Variants in ASIC1 observed in about 807,000 individuals in gnomAD.
ASIC1 encodes the protein acid sensing ion channel subunit 1.
In ASIC1, 21 loss-of-function variants were observed where a neutral mutation model predicts 63.4. The observed-to-expected ratio is 0.33, with a 90% CI of 0.23 to 0.48. ASIC1 has a LOEUF of 0.48. Ranked by LOEUF, ASIC1 falls within the 20% of genes least tolerant of loss-of-function variation. The pLI is 0.99. For synonymous variants in ASIC1, 258 were observed against 278.2 expected (o/e 0.93, Z 0.72); for missense variants, 478 against 695.5 (o/e 0.69, Z 3.52).
At chr12:50,061,638 TG>T (rs1950502042) in intron 3 of ASIC1, among the ~76,000 whole-genome samples, 1 of 152,112 alleles carries the variant, frequency 6.6e-6, no homozygotes, top group African/African-American at 2.4e-5. Flanking sequence ...TTGAGTGGTT[TG>T]TAGTGTTGGA....
rs576382655 is a variant in ASIC1 at position 50,061,697 on chromosome 12, A to C, written c.558+1743A>C. 5.9e-5 allele frequency among the ~76,000 whole-genome samples: 9 copies of C among 152,298 alleles called. 1 individual carries two copies. In the South Asian group the frequency reaches 1.9e-3, roughly 32 times the overall value. ...CAATCTGAGGAGGTGCTAAGATATA[A>C]ATTTGGGCACAGTTAGTCCATAGAA... On this transcript the variant is annotated intron_variant, in intron 3 of 11. Transcript: ENST00000447966.
intron 3 of ASIC1, among the ~76,000 whole-genome samples, chr12:50,076,466 C>CAAA (rs11461680): frequency 8.3e-5 from 12 of 145,210 alleles, no homozygotes; most frequent in East Asian, 8.0e-4. Context: ...GACTCCATCC[C>CAAA]AAAAAAAAAA....
At chr12:50,079,775 G>A (rs1592279852) in intron 7 of ASIC1, 127 bp from the exon 8 acceptor site, 1 of 1,183,268 alleles carries the variant, frequency 8.5e-7, no homozygotes, top group East Asian at 2.4e-5. Flanking sequence ...TCCAGGCAGG[G>A]TGAAGGGCAG....
intron 3 of ASIC1, among the ~76,000 whole-genome samples, chr12:50,067,635 T>C (rs1450979452): frequency 6.6e-6 from 1 of 152,216 alleles, no homozygotes; most frequent in Non-Finnish European, 1.5e-5. Flanking sequence ...GTCAGGCTGG[T>C]CTTGAGCTCC....
At chr12:50,062,301 A>G (rs1334662334) in intron 3 of ASIC1, among the ~76,000 whole-genome samples, 1 of 152,164 alleles carries the variant, frequency 6.6e-6, no homozygotes, top group East Asian at 1.9e-4. Context: ...CTTGTGATTA[A>G]CATCCTTGCC....
In ASIC1 at chr12:50,082,132, T is replaced by C; in HGVS notation, c.*483T>C. ...AGGCTTCCCCAGCCTTAAGAGACCCTCTCAGCCCAGTGACTGTCCCCAAAC... is the reference window on the plus strand; with the variant it reads ...AGGCTTCCCCAGCCTTAAGAGACCCCCTCAGCCCAGTGACTGTCCCCAAAC... On this transcript the variant is annotated 3_prime_UTR_variant, in exon 12 of 12. Coordinates refer to ENST00000447966, the MANE Select transcript of ASIC1 (RefSeq NM_001095.4). 6.1e-6 allele frequency: 1 copy of C among 163,094 alleles called. No individual in the cohort carries two copies. Among genetic ancestry groups the C allele is most frequent in the Non-Finnish European group, 1.3e-5 (1 of 74,730 alleles). 10.1% of individuals were successfully genotyped at this position (163,094 alleles called of 1,614,324 possible).
chr12:50,070,246 C>A (rs952943135), intron 3 of ASIC1, among the ~76,000 whole-genome samples: 1 of 152,104 alleles, frequency 6.6e-6, no homozygotes, highest in East Asian at 1.9e-4. Context: ...TTGACACTTT[C>A]CTCATCCCCC....
chr12:50,080,315 G>A lies in ASIC1; in HGVS notation c.1206-183G>A, dbSNP rs145097528. 2.0e-4 allele frequency: 156 copies of A among 774,300 alleles called. No individual in the cohort carries two copies. In the East Asian group the frequency reaches 3.8e-3, roughly 19 times the overall value. The allele number at this position is 774,300 out of a possible 1,614,324, so 48.0% of individuals were successfully genotyped here. A position where few individuals can be genotyped will look rare whatever the true frequency, so the allele number is the denominator to read the frequency against. ...TTATACTTGATGCATACTGCATATG[G>A]TACAGAACATTTTTTCATATATGCC... On this transcript the variant is annotated intron_variant, in intron 8 of 11. Coordinates refer to ENST00000447966, the MANE Select transcript of ASIC1 (RefSeq NM_001095.4).
rs376276861 is a variant in ASIC1, at chr12:50,074,860, CTGTGTG to C, written c.559-2311_559-2306del. On this transcript the variant is annotated intron_variant, in intron 3 of 11. Transcript: ENST00000447966. This position sits in a 1 kb window ranked among gnomAD's most constrained non-coding sequence, Gnocchi z 4.2. Reference sequence around the variant, plus strand: ...TATGGACGCCCCACCCCCACCAGCTCTGTGTGTGTGTGTGTGTGTGTGTGTGTGTGT... The same window carrying C: ...TATGGACGCCCCACCCCCACCAGCTCTGTGTGTGTGTGTGTGTGTGTGTGT... Among the ~76,000 whole-genome samples the C allele has an allele frequency of 0.081, 11,400 of 141,402 alleles. 1,137 individuals are homozygous for C. Among genetic ancestry groups the C allele is most frequent in the African/African-American group, 0.24 (9,071 of 37,558 alleles). The allele number at this position is 141,402 out of a possible 152,430, so 92.8% of individuals were successfully genotyped here.
intron 3 of ASIC1, chr12:50,073,959 A>T: frequency 6.5e-7 from 1 of 1,535,866 alleles, no homozygotes. Flanking sequence ...TTCTAAACGA[A>T]GTGGCCACCA....
rs913266093 is a variant in ASIC1, at chr12:50,072,953, A to T, written c.559-4260A>T. Among the ~76,000 whole-genome samples, 5 of 152,128 alleles carry T rather than the reference A, an allele frequency of 3.3e-5. No homozygotes were observed. In the East Asian group the frequency reaches 9.6e-4, roughly 29 times the overall value. ...GGGACTGGAATTGGAGGTCTGAGAGAGTACCTGGTGGTGGGGCACGGAGGG... is the reference window on the plus strand; with the variant it reads ...GGGACTGGAATTGGAGGTCTGAGAGTGTACCTGGTGGTGGGGCACGGAGGG... On this transcript the variant is annotated intron_variant, in intron 3 of 11. Transcript: ENST00000447966.
At position 50,059,964 on chromosome 12, in the gene ASIC1, C is replaced by T; in HGVS notation, c.558+10C>T. ...TGAAGACTTCAAGGTGGTGAGTCCC[C>T]TCGTGTGGGGTGTGAGTCAGCCTGG... On this transcript the variant is annotated intron_variant, in intron 3 of 11. Coordinates refer to ENST00000447966, the MANE Select transcript of ASIC1 (RefSeq NM_001095.4). This position sits in a 1 kb window ranked among gnomAD's most constrained non-coding sequence, Gnocchi z 4.6. 1 of 1,612,844 alleles carries T rather than the reference C, an allele frequency of 6.2e-7. No homozygotes were observed. The highest frequency in any genetic ancestry group is 8.5e-7 in the Non-Finnish European group (1 of 1,179,452).
intron 10 of ASIC1, 28 bp from the exon 11 acceptor site, chr12:50,081,232 C>T: frequency 6.2e-7 from 1 of 1,604,646 alleles, no homozygotes; most frequent in Non-Finnish European, 8.5e-7. Flanking sequence ...GGGGTCCAGC[C>T]CGCCCACCTG....
intron 7 of ASIC1, 115 bp from the exon 8 acceptor site, chr12:50,079,787 T>G (rs1375614717): frequency 7.8e-7 from 1 of 1,285,464 alleles, no homozygotes; most frequent in African/African-American, 1.5e-5. Flanking sequence ...GAAGGGCAGG[T>G]CACGGAAAGA....
intron 4 of ASIC1, among the ~76,000 whole-genome samples, 187 bp downstream of exon 4, chr12:50,077,550 G>C (rs2137843156): frequency 6.6e-6 from 1 of 152,070 alleles, no homozygotes; most frequent in South Asian, 2.1e-4. Context: ...CCCACTTCCT[G>C]GTTCAGTTAC....
intron 4 of ASIC1, 26 bp downstream of exon 4, chr12:50,077,389 T>G (rs963904203): frequency 6.8e-6 from 11 of 1,613,406 alleles, no homozygotes; most frequent in Non-Finnish European, 8.5e-6. Flanking sequence ...CAGGGGCCCC[T>G]CTGCATGGCT....
intron 3 of ASIC1, among the ~76,000 whole-genome samples, chr12:50,069,595 C>T (rs1390973288): frequency 2.6e-5 from 4 of 152,168 alleles, no homozygotes; most frequent in Non-Finnish European, 5.9e-5. Context: ...CGCCCAGCCT[C>T]CTCTTTATTC....
In ASIC1 at chr12:50,078,859, G is replaced by A. The variant is rs1430484519; in HGVS notation, c.995-65G>A. On this transcript the variant is annotated intron_variant, in intron 6 of 11. Transcript: ENST00000447966. This position sits in a 1 kb window ranked among gnomAD's most constrained non-coding sequence, Gnocchi z 6.0. ...CCAGCTTACACCTTCTAGGCCTTTGGTACTACCACCATCACCAGACCCCTT... is the reference window on the plus strand; with the variant it reads ...CCAGCTTACACCTTCTAGGCCTTTGATACTACCACCATCACCAGACCCCTT... The A allele has an allele frequency of 6.4e-7, 1 of 1,556,130 alleles. No homozygotes were observed. Among genetic ancestry groups the A allele is most frequent in the South Asian group, 1.1e-5 (1 of 89,828 alleles).
intron 3 of ASIC1, among the ~76,000 whole-genome samples, chr12:50,063,895 C>T (rs1466647698): frequency 6.6e-6 from 1 of 152,124 alleles, no homozygotes; most frequent in Admixed American, 6.5e-5. Flanking sequence ...CCCCATGCTG[C>T]CCCATAGAAG....
Sources: gnomAD v4.1 joint callset for allele counts (sites outside exome capture counted in the v4.1 genomes callset) on GRCh38, gnomAD v4.1.1 for gene constraint, Gnocchi (gnomAD v3.1) non-coding constraint, MANE v1.5 for transcripts, NCBI Gene and HGNC (gene_info 2026-07-23, HGNC 2026-07-21) for gene names.